Variants in PLS1 observed in about 807,000 individuals in gnomAD.
PLS1 encodes plastin-1.
A neutral mutation model predicts 73.7 loss-of-function variants in PLS1; 32 were observed. That is an observed-to-expected ratio of 0.43 (90% CI 0.33 to 0.58). The LOEUF is 0.58. Ranked by LOEUF, PLS1 falls within the 20% of genes least tolerant of loss-of-function variation. PLS1 has a pLI of 0.04. For synonymous variants in PLS1, 217 were observed against 261.3 expected (o/e 0.83, Z 1.63); for missense variants, 633 against 740.5 (o/e 0.85, Z 1.68).
chr3:142,686,400 A>T, intron 9 of PLS1, 24 bp downstream of exon 9: 1 of 1,365,006 alleles, frequency 7.3e-7, no homozygotes, highest in Non-Finnish European at 1.0e-6. Context: ...TTAACTTTTA[A>T]AATATATTGT....
At chr3:142,690,840 C>T (rs2038070788) in intron 10 of PLS1, among the ~76,000 whole-genome samples, 1 of 152,178 alleles carries the variant, frequency 6.6e-6, no homozygotes, top group South Asian at 2.1e-4. Flanking sequence ...TCATACATAC[C>T]AACACCCACA....
intron 1 of PLS1, among the ~76,000 whole-genome samples, chr3:142,661,376 C>A (rs899156752): frequency 6.6e-6 from 1 of 151,950 alleles, no homozygotes; most frequent in Non-Finnish European, 1.5e-5. Context: ...AATTAAATAG[C>A]GGACAATAGT....
At chr3:142,647,061 G>A (rs1377124435) in intron 1 of PLS1, among the ~76,000 whole-genome samples, 1 of 152,122 alleles carries the variant, frequency 6.6e-6, no homozygotes, top group African/African-American at 2.4e-5. Context: ...GGCCAATGTT[G>A]GCCTGCTCTA....
chr3:142,695,764 A>AC (rs2038183667), intron 11 of PLS1, among the ~76,000 whole-genome samples: 3 of 7,038 alleles, frequency 4.3e-4, no homozygotes, highest in Admixed American at 1.5e-3. Context: ...AGACTTACTT[A>AC]TTTATTTATT....
chr3:142,676,277 G>A lies in PLS1; in HGVS notation c.485G>A (p.Gly162Asp). The change falls in exon 5 of 16, where the codon GGC (glycine) becomes GAC (aspartate). Residue 162 changes from glycine (G) to aspartate (D), a missense_variant. By Grantham distance (94) the Gly-to-Asp change is moderately conservative (BLOSUM62 -1). Transcript: ENST00000457734. ...DDSLFKSLAD[G>D]ILLCKMINLS... ...AGTCTTTTCAAGTCACTTGCAGATGGCATCCTTCTTTGGTGAGTTGAACTT... is the reference window on the plus strand; with the variant it reads ...AGTCTTTTCAAGTCACTTGCAGATGACATCCTTCTTTGGTGAGTTGAACTT... 6.2e-7 allele frequency: 1 copy of A among 1,612,452 alleles called. No individual in the cohort carries two copies.
intron 1 of PLS1, among the ~76,000 whole-genome samples, chr3:142,623,150 G>A (rs188993252): frequency 3.3e-4 from 50 of 152,186 alleles, no homozygotes; most frequent in Non-Finnish European, 5.1e-4. Context: ...AAATTAAAGT[G>A]GCAAAGGAAC....
In PLS1 at chr3:142,596,525, G is replaced by C. The variant is rs1214933943; in HGVS notation, c.-37+16G>C. On this transcript the variant is annotated intron_variant, in intron 1 of 15. Coordinates refer to ENST00000457734, the MANE Select transcript of PLS1 (RefSeq NM_001145319.2). ...GTGGCGGCAGGTACGCGGGGGTGGG[G>C]ATAGGGCCCAAAAGGAAGGCTGGAC... 6.5e-6 allele frequency: 1 copy of C among 152,760 alleles called. No homozygotes were observed. The highest frequency in any genetic ancestry group is 1.5e-5 in the Non-Finnish European group (1 of 68,504). The allele number at this position is 152,760 out of a possible 1,614,324, so 9.5% of individuals were successfully genotyped here. A position where few individuals can be genotyped will look rare whatever the true frequency, so the allele number is the denominator to read the frequency against.
At chr3:142,680,442 CACTT>C (rs1022991308) in intron 6 of PLS1, among the ~76,000 whole-genome samples, 7 of 152,156 alleles carry the variant, frequency 4.6e-5, no homozygotes, top group African/African-American at 1.7e-4. Flanking sequence ...ACTTTGGATG[CACTT>C]ACTTAAGCTG....
At position 142,712,079 on chromosome 3, in the gene PLS1, T is replaced by A. The variant is rs537458330; in HGVS notation, c.*72T>A. 2 of 1,360,712 alleles carry A rather than the reference T, an allele frequency of 1.5e-6. No individual in the cohort carries two copies. The highest frequency in any genetic ancestry group is 1.4e-5 in the African/African-American group (1 of 69,886). The allele number at this position is 1,360,712 out of a possible 1,614,324, so 84.3% of individuals were successfully genotyped here. ...CAGTTTACAGGATTCTGAAATGTAG[T>A]GGGTGTAAAACCAGAGATTATTTGT... On this transcript the variant is annotated 3_prime_UTR_variant, in exon 16 of 16. Coordinates refer to ENST00000457734, the MANE Select transcript of PLS1 (RefSeq NM_001145319.2).
At chr3:142,606,544 T>C (rs1392467037) in intron 1 of PLS1, among the ~76,000 whole-genome samples, 4 of 152,178 alleles carry the variant, frequency 2.6e-5, no homozygotes, top group Admixed American at 2.6e-4. Flanking sequence ...GTATAGTCAG[T>C]TTTACAATAT....
At chr3:142,693,477 T>G (rs1315782447) in intron 10 of PLS1, among the ~76,000 whole-genome samples, 1 of 152,214 alleles carries the variant, frequency 6.6e-6, no homozygotes, top group Non-Finnish European at 1.5e-5. Context: ...TGAACTTGCC[T>G]ATAACTTAGA....
intron 1 of PLS1, among the ~76,000 whole-genome samples, chr3:142,639,877 G>T (rs188884215): frequency 1.4e-3 from 215 of 152,274 alleles, no homozygotes; most frequent in Non-Finnish European, 2.6e-3. Flanking sequence ...GTTTGACATA[G>T]TGTTAAACAC....
At chr3:142,648,992 C>A (rs2037020048) in intron 1 of PLS1, among the ~76,000 whole-genome samples, 1 of 152,134 alleles carries the variant, frequency 6.6e-6, no homozygotes, top group Non-Finnish European at 1.5e-5. Context: ...TTTTTACTCT[C>A]AGATACTAAG....
intron 1 of PLS1, among the ~76,000 whole-genome samples, chr3:142,611,930 GT>G (rs556525287): frequency 1.4e-4 from 22 of 152,086 alleles, no homozygotes; most frequent in Non-Finnish European, 3.2e-4. Flanking sequence ...ACTCAGAAAG[GT>G]TAAATGACTT....
In PLS1 at chr3:142,600,896, ATATATATATATATATATATATTTTTTT is replaced by A. The variant is rs1411710421; in HGVS notation, c.-37+4389_-37+4415del. Among the ~76,000 whole-genome samples, 238 of 26,898 alleles carry A rather than the reference ATATATATATATATATATATATTTTTTT, an allele frequency of 8.8e-3. 11 individuals carry two copies. The highest frequency in any genetic ancestry group is 0.048 in the African/African-American group (217 of 4,510). The allele number at this position is 26,898 out of a possible 152,430, so 17.6% of individuals were successfully genotyped here. Reference sequence around the variant, plus strand: ...TGGTTTCATATATATATATATATATATATATATATATATATATATATTTTTTTTTTTTTTTTTTTTTTTTTGAGACGG... The same window carrying A: ...TGGTTTCATATATATATATATATATATTTTTTTTTTTTTTTTTTGAGACGG... On this transcript the variant is annotated intron_variant, in intron 1 of 15. Transcript: ENST00000457734.
At chr3:142,604,749 A>G (rs2035988771) in intron 1 of PLS1, among the ~76,000 whole-genome samples, 1 of 152,116 alleles carries the variant, frequency 6.6e-6, no homozygotes, top group Non-Finnish European at 1.5e-5. Context: ...CCTGGCTAAC[A>G]TGGTGAAACC....
chr3:142,702,050 T>C (rs1577910838), intron 12 of PLS1, among the ~76,000 whole-genome samples: 1 of 152,236 alleles, frequency 6.6e-6, no homozygotes, highest in South Asian at 2.1e-4. Flanking sequence ...TAAAAAATTC[T>C]TTTAAAAACT....
intron 1 of PLS1, among the ~76,000 whole-genome samples, chr3:142,626,329 G>A (rs2036427601): frequency 6.6e-6 from 1 of 152,164 alleles, no homozygotes; most frequent in Non-Finnish European, 1.5e-5. Context: ...GGAGTCTAGA[G>A]CAAACTCCCT....
chr3:142,608,597 G>A (rs1577766837), intron 1 of PLS1, among the ~76,000 whole-genome samples: 1 of 152,180 alleles, frequency 6.6e-6, no homozygotes, highest in South Asian at 2.1e-4. Flanking sequence ...CAGGGCTGTG[G>A]AAGCCTATAC....
Sources: gnomAD v4.1 joint callset for allele counts (sites outside exome capture counted in the v4.1 genomes callset) on GRCh38, gnomAD v4.1.1 for gene constraint, MANE v1.5 for transcripts, NCBI Gene and HGNC (gene_info 2026-07-23, HGNC 2026-07-21) for gene names.